Variants in CNTN5 observed in about 807,000 individuals in gnomAD.
CNTN5 encodes contactin-5.
In CNTN5, 77 loss-of-function variants were observed where a neutral mutation model predicts 129.1. That is an observed-to-expected ratio of 0.60 (90% CI 0.50 to 0.72). The LOEUF is 0.72. Ranked by LOEUF, CNTN5 falls within the 30% of genes least tolerant of loss-of-function variation. The probability of loss-of-function intolerance (pLI) is 0.00; values close to 1 mark genes in which losing one functional copy is unlikely to be tolerated. For missense variants in CNTN5, 1,478 were observed against 1,328.8 expected (o/e 1.11, Z -1.75); for synonymous variants, 509 against 465.6 (o/e 1.09, Z -1.20).
At chr11:100,080,993 T>C (rs569991385) in intron 13 of CNTN5, among the ~76,000 whole-genome samples, 5 of 152,270 alleles carry the variant, frequency 3.3e-5, no homozygotes, top group Admixed American at 1.3e-4. Context: ...GGTTTCTTGC[T>C]GTTTCCTATC....
intron 6 of CNTN5, among the ~76,000 whole-genome samples, chr11:99,869,045 G>C (rs1346524580): frequency 6.6e-6 from 1 of 152,038 alleles, no homozygotes; most frequent in Non-Finnish European, 1.5e-5. Flanking sequence ...TTCTGATTCA[G>C]CCCCACTTAT....
chr11:99,645,247 G>A lies in CNTN5; in HGVS notation c.55+88978G>A, dbSNP rs1321603588. ...TGCACTCCAGCCTGGGCAACAGAGC[G>A]AGGCTCCATCTCAACAAAAAAAAAA... On this transcript the variant is annotated intron_variant, in intron 3 of 24. Transcript: ENST00000524871. Among the ~76,000 whole-genome samples the A allele has an allele frequency of 1.4e-4, 17 of 121,890 alleles. No homozygotes were observed. In the South Asian group the frequency reaches 3.4e-3, roughly 24 times the overall value. The allele number at this position is 121,890 out of a possible 152,430, so 80.0% of individuals were successfully genotyped here.
chr11:99,264,258 C>G (rs1238826064), intron 1 of CNTN5, among the ~76,000 whole-genome samples: 1 of 150,424 alleles, frequency 6.6e-6, no homozygotes, highest in African/African-American at 2.4e-5. Context: ...TTGATTGTAC[C>G]TTTCTTAGAA....
intron 7 of CNTN5, among the ~76,000 whole-genome samples, chr11:99,921,740 A>G (rs1363462714): frequency 1.3e-5 from 2 of 152,196 alleles, no homozygotes; most frequent in Non-Finnish European, 1.5e-5. Flanking sequence ...GTATGAGCTC[A>G]AAAATATTTA....
intron 15 of CNTN5, among the ~76,000 whole-genome samples, chr11:100,193,978 A>T (rs1028353008): frequency 8.5e-5 from 13 of 152,080 alleles, no homozygotes; most frequent in South Asian, 4.1e-4. Flanking sequence ...TATTTAAAGC[A>T]TCGTTAACAG....
intron 6 of CNTN5, among the ~76,000 whole-genome samples, chr11:99,851,483 T>C (rs2135725865): frequency 6.6e-6 from 1 of 152,336 alleles, no homozygotes; most frequent in South Asian, 2.1e-4. Context: ...TTTGTCACTC[T>C]CACACTTTGC....
intron 1 of CNTN5, among the ~76,000 whole-genome samples, chr11:99,274,377 G>A (rs1863324387): frequency 6.6e-6 from 1 of 151,580 alleles, no homozygotes; most frequent in Admixed American, 6.6e-5. Context: ...GTTTTTAACA[G>A]AGCATTGTAC....
chr11:100,218,828 T>G (rs893255172), intron 15 of CNTN5, among the ~76,000 whole-genome samples: 30 of 152,300 alleles, frequency 2.0e-4, no homozygotes, highest in Non-Finnish European at 3.5e-4. Flanking sequence ...TATGCTAGAT[T>G]AAGAACGTGG....
intron 4 of CNTN5, among the ~76,000 whole-genome samples, chr11:99,823,388 C>T (rs1145402): frequency 0.7 from 105,745 of 151,924 alleles, 36,820 homozygotes; most frequent in East Asian, 0.72. Context: ...CCAGTTCCTA[C>T]ATTCAGCCCA....
intron 8 of CNTN5, among the ~76,000 whole-genome samples, chr11:99,959,007 A>T (rs749864420): frequency 1.3e-5 from 2 of 152,114 alleles, no homozygotes; most frequent in Admixed American, 6.6e-5. Context: ...CATGGCCCAG[A>T]TATATCACTT....
At chr11:99,657,450 T>C (rs1952418912) in intron 3 of CNTN5, among the ~76,000 whole-genome samples, 1 of 152,160 alleles carries the variant, frequency 6.6e-6, no homozygotes, top group Non-Finnish European at 1.5e-5. Flanking sequence ...GTCTCCATGG[T>C]ATCCTTGATT....
chr11:99,155,441 A>T (rs888250553), intron 1 of CNTN5, among the ~76,000 whole-genome samples: 1 of 152,206 alleles, frequency 6.6e-6, no homozygotes, highest in African/African-American at 2.4e-5. Context: ...TGCTGTTTGT[A>T]TGTGAACTAA....
chr11:99,051,846 G>A (rs973448081), intron 1 of CNTN5, among the ~76,000 whole-genome samples: 10 of 151,794 alleles, frequency 6.6e-5, no homozygotes, highest in Non-Finnish European at 8.8e-5. Flanking sequence ...TTCAGAACTC[G>A]TAGTGGACAG....
At chr11:99,502,758 C>T (rs1158948594) in intron 2 of CNTN5, among the ~76,000 whole-genome samples, 1 of 152,188 alleles carries the variant, frequency 6.6e-6, no homozygotes, top group South Asian at 2.1e-4. Context: ...CTCTTCTAAA[C>T]CATACACCCT....
chr11:99,999,914 A>C (rs949558465), intron 8 of CNTN5, among the ~76,000 whole-genome samples: 6 of 151,838 alleles, frequency 4.0e-5, no homozygotes, highest in African/African-American at 9.7e-5. Context: ...AGGCCAAAAA[A>C]CCAAACACTG....
chr11:99,582,339 A>G (rs2466892), intron 3 of CNTN5, among the ~76,000 whole-genome samples: 138,371 of 152,162 alleles, frequency 0.91, 63,076 homozygotes, highest in East Asian at 1. Flanking sequence ...TCTTTGTGCC[A>G]TTCTCTTTAT....
chr11:99,025,695 A>G (rs1024879553), intron 1 of CNTN5, among the ~76,000 whole-genome samples: 2 of 151,750 alleles, frequency 1.3e-5, no homozygotes, highest in African/African-American at 4.8e-5. Flanking sequence ...TGGAGCTGCA[A>G]CCAGGTCTAT....
chr11:99,309,252 C>T (rs1865002855), intron 1 of CNTN5, among the ~76,000 whole-genome samples: 1 of 148,224 alleles, frequency 6.7e-6, no homozygotes, highest in South Asian at 2.1e-4. Context: ...CTGGAGGTTA[C>T]AAGTGATACT....
At chr11:99,173,643 G>A (rs756446115) in intron 1 of CNTN5, among the ~76,000 whole-genome samples, 16 of 152,102 alleles carry the variant, frequency 1.1e-4, no homozygotes, top group Non-Finnish European at 2.4e-4. Context: ...ACAATTATGT[G>A]GATTATTACA....
Sources: allele counts gnomAD v4.1 joint callset (sites outside exome capture counted in the v4.1 genomes callset), GRCh38; gene constraint gnomAD v4.1.1; transcripts MANE v1.5; gene names NCBI Gene and HGNC (gene_info 2026-07-23, HGNC 2026-07-21).